Variants in ZNF385A observed in about 807,000 individuals in gnomAD.
The protein encoded by ZNF385A is zinc finger protein 385A.
A neutral mutation model predicts 32.1 loss-of-function variants in ZNF385A; 14 were observed. The ratio of observed to expected loss-of-function variants is 0.44; its 90% CI spans 0.29 to 0.68. The LOEUF (loss-of-function observed/expected upper bound fraction) is 0.68, where lower values mean the gene tolerates loss of function less well. Among genes scored for constraint, ZNF385A ranks in the 30% least tolerant of loss-of-function variants. ZNF385A has a pLI of 0.14. For missense variants in ZNF385A, 406 were observed against 478.4 expected (o/e 0.85, Z 1.41); for synonymous variants, 197 against 202.7 (o/e 0.97, Z 0.24).
At position 54,371,552 on chromosome 12, in the gene ZNF385A, C is replaced by T. The variant is rs1245145846; in HGVS notation, c.525G>A (p.Glu175=). Residue 175 remains glutamate, a synonymous_variant, in exon 4 of 7, where the codon GAG becomes GAA. Coordinates refer to ENST00000394313, the MANE Select transcript of ZNF385A (RefSeq NM_015481.3). ...SLPGGSKEEE[E]KAKRLLYCAL... The stretch of plus-strand genomic sequence containing the variant: ...CACAGTAGAGCAGCCGCTTGGCTTT[C>T]TCCTCCTCTTCCTTGCTACCCCCAG... 2 of 1,613,684 alleles carry T rather than the reference C, an allele frequency of 1.2e-6. No individual in the cohort carries two copies. The highest frequency in any genetic ancestry group is 1.3e-5 in the African/African-American group (1 of 74,892).
In ZNF385A at chr12:54,373,007, C is replaced by G. The variant is rs184628774; in HGVS notation, c.361+966G>C. 1.8e-4 allele frequency: 31 copies of G among 168,698 alleles called. No individual in the cohort carries two copies. The East Asian group carries it at 5.4e-3, about 30-fold the overall frequency. The allele number at this position is 168,698 out of a possible 1,614,324, so 10.5% of individuals were successfully genotyped here. A position where few individuals can be genotyped will look rare whatever the true frequency, so the allele number is the denominator to read the frequency against. ...TGAGCTGAGATTGTGCCACTGCACT[C>G]TAGCCTGGGCGACAGAGTGAGACTC... On this transcript the variant is annotated intron_variant, in intron 3 of 6. Coordinates refer to ENST00000394313, the MANE Select transcript of ZNF385A (RefSeq NM_015481.3).
At chr12:54,373,480 C>T (rs1954664756) in intron 3 of ZNF385A, among the ~76,000 whole-genome samples, 1 of 64,596 alleles carries the variant, frequency 1.5e-5, no homozygotes, top group African/African-American at 5.0e-5. Flanking sequence ...CTCTATTTCC[C>T]AGAAAAAAAA....
intron 1 of ZNF385A, among the ~76,000 whole-genome samples, chr12:54,382,078 T>C (rs1432678826): frequency 6.6e-6 from 1 of 151,912 alleles, no homozygotes. Context: ...GAATTTTTTT[T>C]TTTTTTTGAG....
chr12:54,372,361 T>C (rs1050396952), intron 3 of ZNF385A, among the ~76,000 whole-genome samples: 1 of 152,144 alleles, frequency 6.6e-6, no homozygotes, highest in Non-Finnish European at 1.5e-5. Context: ...TTCCGGGTCA[T>C]GGCGAGGCTG....
At chr12:54,386,689 G>T (rs1429678471), upstream of ZNF385A, among the ~76,000 whole-genome samples, 1 of 152,182 alleles carries the variant, frequency 6.6e-6, no homozygotes, top group African/African-American at 2.4e-5. Context: ...CACTTGCCCT[G>T]CCCCAGAGCA....
chr12:54,373,956 C>A lies in ZNF385A; in HGVS notation c.361+17G>T. The A allele has an allele frequency of 6.8e-7, 1 of 1,461,916 alleles. No individual in the cohort carries two copies. The highest frequency in any genetic ancestry group is 2.4e-5 in the East Asian group (1 of 41,020). 90.6% of individuals were successfully genotyped at this position (1,461,916 alleles called of 1,614,324 possible). On this transcript the variant is annotated intron_variant, in intron 3 of 6. Coordinates refer to ENST00000394313, the MANE Select transcript of ZNF385A (RefSeq NM_015481.3). ...AGACAGAGATCAGTTGAAGAATATG[C>A]GGGGATTCAGACACACCTGGACGGG...
chr12:54,370,581 C>T lies in ZNF385A; in HGVS notation c.870+45G>A. On this transcript the variant is annotated intron_variant, in intron 6 of 6. Transcript: ENST00000394313. This position sits in a 1 kb window ranked among gnomAD's most constrained non-coding sequence, Gnocchi z 5.5. ...AAAGCCCGCGTCCCTCTCTCCTCCC[C>T]GCCCGCGCCCTCCCACTGCTGAATT... 6.4e-7 allele frequency: 1 copy of T among 1,559,468 alleles called. No individual in the cohort carries two copies. The highest frequency in any genetic ancestry group is 8.7e-7 in the Non-Finnish European group (1 of 1,151,350).
intron 1 of ZNF385A, chr12:54,379,142 C>G: frequency 1.1e-5 from 11 of 980,906 alleles, no homozygotes; most frequent in Non-Finnish European, 1.2e-5. Flanking sequence ...CTGGCCGGGC[C>G]GGGCAGGCCA....
upstream of ZNF385A, chr12:54,384,763 C>A: frequency 3.2e-6 from 4 of 1,260,922 alleles, no homozygotes; most frequent in Non-Finnish European, 4.0e-6. Flanking sequence ...GGGTGTAGAC[C>A]AGTCCTTCCC....
At chr12:54,385,781 C>T, upstream of ZNF385A, 1 of 416,062 alleles carries the variant, frequency 2.4e-6, no homozygotes, top group Non-Finnish European at 3.2e-6. Flanking sequence ...TGCCCCCTCC[C>T]TTGCCAGCCC....
chr12:54,381,243 A>AC (rs1955161439), intron 1 of ZNF385A: 1 of 151,590 alleles, frequency 6.6e-6, no homozygotes, highest in African/African-American at 2.4e-5. Context: ...AAAAAAAAAA[A>AC]CTATCCCATT....
In ZNF385A at chr12:54,381,069, A is replaced by C. The variant is rs185133129; in HGVS notation, c.87+3359T>G. 3.3e-5 allele frequency among the ~76,000 whole-genome samples: 5 copies of C among 151,846 alleles called. No homozygotes were observed. In the East Asian group the frequency reaches 9.7e-4, roughly 29 times the overall value. On this transcript the variant is annotated intron_variant, in intron 1 of 6. Coordinates refer to ENST00000394313, the MANE Select transcript of ZNF385A (RefSeq NM_015481.3). ...AAATTAGCTGGGCGTGGTGGTGTGC[A>C]CCTGTAGCCACAGCTACTCTGGAGG...
intron 3 of ZNF385A, chr12:54,372,963 T>C (rs1954628536): frequency 2.2e-5 from 4 of 182,340 alleles, no homozygotes; most frequent in South Asian, 2.0e-4. Context: ...CGCTTGAACC[T>C]GGGAGGTGGA....
chr12:54,372,069 A>G (rs539382930), intron 3 of ZNF385A, among the ~76,000 whole-genome samples: 1 of 152,316 alleles, frequency 6.6e-6, no homozygotes, highest in Admixed American at 6.5e-5. Flanking sequence ...TCCTGCCAGG[A>G]CAGCCCCTTC....
At chr12:54,378,065 C>G (rs1364721647) in intron 1 of ZNF385A, among the ~76,000 whole-genome samples, 4 of 152,182 alleles carry the variant, frequency 2.6e-5, no homozygotes, top group Non-Finnish European at 5.9e-5. Context: ...TTTGCACAAC[C>G]CCCTCCCCTG....
In ZNF385A at chr12:54,384,426, A is replaced by C. The variant is rs1305337253; in HGVS notation, c.87+2T>G. On this transcript the variant is annotated splice_donor_variant, in intron 1 of 6. Transcript: ENST00000394313. LOFTEE classifies it high-confidence loss of function. ...GGAGAAGGCAGGCAGGCTGCTACTT[A>C]CGGTGCTGTAGTTGCTGAAGAGGCC... is the stretch of plus-strand genomic sequence containing the variant. The C allele has an allele frequency of 6.3e-7, 1 of 1,581,714 alleles. No individual in the cohort carries two copies. Among genetic ancestry groups the C allele is most frequent in the Admixed American group, 1.8e-5 (1 of 54,924 alleles).
intron 2 of ZNF385A, among the ~76,000 whole-genome samples, chr12:54,375,179 C>A (rs980266400): frequency 9.2e-5 from 14 of 152,038 alleles, no homozygotes; most frequent in African/African-American, 3.4e-4. Flanking sequence ...GCTCTCAGGG[C>A]CTGCACCCCA....
chr12:54,371,840 T>A, intron 3 of ZNF385A, 125 bp from the exon 4 acceptor site: 1 of 1,398,258 alleles, frequency 7.2e-7, no homozygotes. Context: ...TGTTACAACA[T>A]GCATGCTCTC....
chr12:54,375,964 C>A lies in ZNF385A; in HGVS notation c.88-10G>T, dbSNP rs540007544. On this transcript the variant is annotated splice_polypyrimidine_tract_variant and intron_variant, in intron 1 of 6. Coordinates refer to ENST00000394313, the MANE Select transcript of ZNF385A (RefSeq NM_015481.3). Reference sequence around the variant, plus strand: ...TCTGCACAGGGTCCATCTGTGGAGGCAGGCTGGGGTGAGCCGGGAACCCTA... The same window carrying A: ...TCTGCACAGGGTCCATCTGTGGAGGAAGGCTGGGGTGAGCCGGGAACCCTA... 6.2e-7 allele frequency: 1 copy of A among 1,610,092 alleles called. No individual in the cohort carries two copies. Among genetic ancestry groups the A allele is most frequent in the East Asian group, 2.2e-5 (1 of 44,870 alleles).
Sources: allele counts gnomAD v4.1 joint callset (sites outside exome capture counted in the v4.1 genomes callset), GRCh38; gene constraint gnomAD v4.1.1; non-coding constraint Gnocchi (gnomAD v3.1); transcripts MANE v1.5; gene names NCBI Gene and HGNC (gene_info 2026-07-23, HGNC 2026-07-21).